The following LRIG1 variants were observed in gnomAD, a reference collection of about 807,000 sequenced individuals.
LRIG1 encodes leucine-rich repeats and immunoglobulin-like domains protein 1.
LRIG1 carries 48 observed loss-of-function variants against 99.2 expected under a neutral mutation model. The observed-to-expected ratio is 0.48, with a 90% CI of 0.38 to 0.62. The LOEUF is 0.62. Among genes scored for constraint, LRIG1 ranks in the 20% least tolerant of loss-of-function variants. The probability of loss-of-function intolerance (pLI) is 0.00; values close to 1 mark genes in which losing one functional copy is unlikely to be tolerated. For missense variants in LRIG1, 1,646 were observed against 1,434.4 expected, an observed-to-expected ratio of 1.15 and a Z score of -2.38; for synonymous variants, 772 against 596.1, an observed-to-expected ratio of 1.29 and a Z score of -4.30.
At chr3:66,485,352 G>A (rs570600419) in intron 1 of LRIG1, among the ~76,000 whole-genome samples, 27 of 152,058 alleles carry the variant, frequency 1.8e-4, no homozygotes, top group African/African-American at 3.9e-4. Context: ...GATTTCAGGC[G>A]GTGCATAAAC....
At position 66,383,349 on chromosome 3, in the gene LRIG1, T is replaced by C; in HGVS notation, c.2124A>G (p.Glu708=). 2 of 1,591,628 alleles carry C rather than the reference T, an allele frequency of 1.3e-6. No homozygotes were observed. Among genetic ancestry groups the C allele is most frequent in the Non-Finnish European group, 1.7e-6 (2 of 1,164,422 alleles). Reference sequence around the variant, plus strand: ...TGGCTTTGCATTGGAGGGCCACTGTTTCTCCCACAGATACCACACGGTCTT... The same window carrying C: ...TGGCTTTGCATTGGAGGGCCACTGTCTCTCCCACAGATACCACACGGTCTT... ...PLEDRVVSVG[E]TVALQCKATG... The change falls in exon 15 of 19, where the codon GAA becomes GAG. Residue 708 remains glutamate (E), a synonymous_variant. Transcript: ENST00000273261.
Position 66,398,957 on chromosome 3 carries a change from G to C in LRIG1, c.1232+13C>G, listed in dbSNP as rs755147298. On this transcript the variant is annotated intron_variant, in intron 10 of 18. Coordinates refer to ENST00000273261, the MANE Select transcript of LRIG1 (RefSeq NM_015541.3). Reference sequence around the variant, plus strand: ...CAGGCTGTGCCTCAGGGCAGGGCTGGTGAGATACTCACAGGTGCTCCAGGC... The same window carrying C: ...CAGGCTGTGCCTCAGGGCAGGGCTGCTGAGATACTCACAGGTGCTCCAGGC... 1 of 1,612,966 alleles carries C rather than the reference G, an allele frequency of 6.2e-7. No individual in the cohort carries two copies. Among genetic ancestry groups the C allele is most frequent in the Admixed American group, 1.7e-5 (1 of 60,028 alleles).
At chr3:66,483,798 C>T (rs1700904947) in intron 1 of LRIG1, among the ~76,000 whole-genome samples, 1 of 151,556 alleles carries the variant, frequency 6.6e-6, no homozygotes, top group South Asian at 2.1e-4. Flanking sequence ...CTGGGAAGGG[C>T]ACCGCGGGCT....
At chr3:66,386,359 C>T (rs1191040349) in intron 12 of LRIG1, 58 bp from the exon 13 acceptor site, 2 of 1,439,140 alleles carry the variant, frequency 1.4e-6, no homozygotes, top group Non-Finnish European at 1.9e-6. Flanking sequence ...GAGGAACCAG[C>T]TGCTGTTCAT....
chr3:66,479,851 T>C (rs1700807722), intron 1 of LRIG1, among the ~76,000 whole-genome samples: 1 of 152,208 alleles, frequency 6.6e-6, no homozygotes, highest in African/African-American at 2.4e-5. Context: ...CTGGTGGATG[T>C]GCCACGTGGT....
At chr3:66,427,894 C>A (rs7614423) in intron 3 of LRIG1, among the ~76,000 whole-genome samples, 17,424 of 152,176 alleles carry the variant, frequency 0.11, 2,067 homozygotes, top group East Asian at 0.68. Flanking sequence ...TCTGTACATA[C>A]CCTTTTTTAT....
At chr3:66,407,535 C>G in intron 7 of LRIG1, 44 bp from the exon 8 acceptor site, 1 of 1,600,908 alleles carries the variant, frequency 6.2e-7, no homozygotes, top group Non-Finnish European at 8.5e-7. Context: ...AGTGTGGTTG[C>G]CCCCCAACCC....
At chr3:66,478,874 C>T (rs1700784162) in intron 1 of LRIG1, among the ~76,000 whole-genome samples, 1 of 152,180 alleles carries the variant, frequency 6.6e-6, no homozygotes, top group Admixed American at 6.5e-5. Flanking sequence ...CCCCCAGAGG[C>T]CTGCAGAGAT....
At chr3:66,481,652 G>T (rs1309341150) in intron 1 of LRIG1, among the ~76,000 whole-genome samples, 1 of 152,128 alleles carries the variant, frequency 6.6e-6, no homozygotes, top group South Asian at 2.1e-4. Flanking sequence ...AACTGACCTG[G>T]CATTTCTTTC....
At chr3:66,423,140 G>C (rs1055746944) in intron 3 of LRIG1, among the ~76,000 whole-genome samples, 7 of 152,166 alleles carry the variant, frequency 4.6e-5, no homozygotes, top group African/African-American at 1.4e-4. Flanking sequence ...TAGGTATGAA[G>C]TTTTAGTTTT....
intron 3 of LRIG1, among the ~76,000 whole-genome samples, chr3:66,425,632 G>C (rs1702955229): frequency 6.6e-6 from 1 of 152,158 alleles, no homozygotes; most frequent in South Asian, 2.1e-4. Flanking sequence ...GTTCTTATTG[G>C]CCTCATCAAA....
At chr3:66,439,369 A>G (rs992035041) in intron 3 of LRIG1, among the ~76,000 whole-genome samples, 49 of 152,354 alleles carry the variant, frequency 3.2e-4, no homozygotes, top group African/African-American at 1.1e-3. Flanking sequence ...CACATTCTAA[A>G]AAGTCCAAGG....
chr3:66,488,369 T>A (rs2106915833), intron 1 of LRIG1, among the ~76,000 whole-genome samples: 1 of 151,094 alleles, frequency 6.6e-6, no homozygotes, highest in Admixed American at 6.6e-5. Context: ...ACATCTGTAA[T>A]CCTAGCACTT....
At chr3:66,395,665 T>C (rs1169933505) in intron 11 of LRIG1, among the ~76,000 whole-genome samples, 1 of 152,240 alleles carries the variant, frequency 6.6e-6, no homozygotes, top group East Asian at 1.9e-4. Context: ...TCTGGAGGGC[T>C]GTCCTACTGT....
In LRIG1 at chr3:66,406,140, A is replaced by T. The variant is rs561450736; in HGVS notation, c.1080-862T>A. 146 of 985,566 alleles carry T rather than the reference A, an allele frequency of 1.5e-4. 2 individuals are homozygous for T. The South Asian group carries it at 6.2e-3, about 42-fold the overall frequency. The allele number at this position is 985,566 out of a possible 1,614,324, so 61.1% of individuals were successfully genotyped here. On this transcript the variant is annotated intron_variant, in intron 8 of 18. Transcript: ENST00000273261. ...TGCAGCAGGAATCAATGCTGCCAGC[A>T]GAGAGGGCAGCTCTGACTGAAGAGT...
chr3:66,380,770 T>C lies in LRIG1; in HGVS notation c.2862A>G (p.Arg954=), dbSNP rs201039124. The C allele has an allele frequency of 6.2e-7, 1 of 1,614,220 alleles. No homozygotes were observed. The highest frequency in any genetic ancestry group is 8.5e-7 in the Non-Finnish European group (1 of 1,180,036). The part of the protein sequence containing the change: ...GQAFHPQPVS[R]DSAQPSAPNG... ...TTGGCGCACTTGGCTGTGCGCTGTC[T>C]CTGGACACAGGCTGGGGGTGGAAGG... is the stretch of plus-strand genomic sequence containing the variant. The change falls in exon 18 of 19, where the codon AGA becomes AGG. Residue 954 remains arginine (R), a synonymous_variant. Transcript: ENST00000273261.
chr3:66,381,980 GT>G (rs1701102158), intron 16 of LRIG1, among the ~76,000 whole-genome samples: 1 of 152,116 alleles, frequency 6.6e-6, no homozygotes, highest in Admixed American at 6.5e-5. Context: ...GGTTGGCTGG[GT>G]TCATGCACCG....
At chr3:66,473,795 C>G (rs1218249763) in intron 1 of LRIG1, among the ~76,000 whole-genome samples, 1 of 152,224 alleles carries the variant, frequency 6.6e-6, no homozygotes, top group African/African-American at 2.4e-5. Context: ...AGCCGTCTGG[C>G]CCACAGTGAA....
chr3:66,383,946 G>GCGCACACACA, intron 14 of LRIG1, 45 bp downstream of exon 14: 2 of 842,442 alleles, frequency 2.4e-6, no homozygotes, highest in Non-Finnish European at 3.2e-6. Context: ...TCTCTCTCTC[G>GCGCACACACA]CTCACACACA....
Sources: allele counts gnomAD v4.1 joint callset (sites outside exome capture counted in the v4.1 genomes callset), GRCh38; gene constraint gnomAD v4.1.1; transcripts MANE v1.5; gene names NCBI Gene and HGNC (gene_info 2026-07-23, HGNC 2026-07-21).